Variants in TPTE observed in about 807,000 individuals in gnomAD.
TPTE encodes the protein putative tyrosine-protein phosphatase TPTE.
In TPTE, 59 loss-of-function variants were observed where a neutral mutation model predicts 84.1. The ratio of observed to expected loss-of-function variants is 0.70; its 90% CI spans 0.57 to 0.87. The LOEUF (loss-of-function observed/expected upper bound fraction) is 0.87, where lower values mean the gene tolerates loss of function less well. Ranked by LOEUF, TPTE falls within the 40% of genes least tolerant of loss-of-function variation. TPTE has a pLI of 0.00. For synonymous variants in TPTE, 130 were observed against 223.5 expected (o/e 0.58, Z 3.73); for missense variants, 382 against 659.6 (o/e 0.58, Z 4.61).
At chr21:10,576,838 C>CATACATATAT (rs1555815358) in intron 14 of TPTE, among the ~76,000 whole-genome samples, 4 of 135,968 alleles carry the variant, frequency 2.9e-5, no homozygotes, top group African/African-American at 7.8e-5. Context: ...TACATATATA[C>CATACATATAT]ATATATATAT....
chr21:10,603,495 C>G lies in TPTE; in HGVS notation c.1450-67C>G, dbSNP rs1279095132. 1.4e-4 allele frequency: 210 copies of G among 1,458,356 alleles called. No individual in the cohort carries two copies. In the East Asian group the frequency reaches 4.2e-3, roughly 30 times the overall value. 90.3% of individuals were successfully genotyped at this position (1,458,356 alleles called of 1,614,324 possible). A position where few individuals can be genotyped will look rare whatever the true frequency, so the allele number is the denominator to read the frequency against. ...ATATAAAAAAGAATAAAGAAAGGAA[C>G]TTCAATTTCTTTGGAATGATTAGTT... is the stretch of plus-strand genomic sequence containing the variant. On this transcript the variant is annotated intron_variant, in intron 22 of 23. Coordinates refer to ENST00000618007, the MANE Select transcript of TPTE (RefSeq NM_199261.4).
rs1292334085 is a variant in TPTE at position 10,527,397 on chromosome 21, A to C, written c.-59A>C. ...CAGATTCTACTGTATGCTCTTGACA[A>C]CTATGACCACAATGGGTGAGTTGAC... On this transcript the variant is annotated 5_prime_UTR_variant, in exon 3 of 24. Coordinates refer to ENST00000618007, the MANE Select transcript of TPTE (RefSeq NM_199261.4). 6.5e-6 allele frequency: 1 copy of C among 152,774 alleles called. No individual in the cohort carries two copies. The highest frequency in any genetic ancestry group is 1.5e-5 in the Non-Finnish European group (1 of 68,088). 9.5% of individuals were successfully genotyped at this position (152,774 alleles called of 1,614,324 possible).
intron 3 of TPTE, among the ~76,000 whole-genome samples, chr21:10,537,325 T>C (rs2074283572): frequency 6.6e-6 from 1 of 152,306 alleles, no homozygotes; most frequent in Non-Finnish European, 1.5e-5. Flanking sequence ...TCTGTAGCAC[T>C]GCCAAGTCTA....
At chr21:10,579,990 G>C (rs1462372613) in intron 17 of TPTE, among the ~76,000 whole-genome samples, 1 of 152,310 alleles carries the variant, frequency 6.6e-6, no homozygotes, top group Non-Finnish European at 1.5e-5. Context: ...CGTACAAGGG[G>C]GTTCCCTTTT....
chr21:10,522,656 C>T (rs1439385428), intron 1 of TPTE, among the ~76,000 whole-genome samples: 1 of 152,312 alleles, frequency 6.6e-6, no homozygotes, highest in Non-Finnish European at 1.5e-5. Context: ...AGTGAAGTAT[C>T]TGTTCACGTA....
intron 1 of TPTE, among the ~76,000 whole-genome samples, chr21:10,523,352 AGGTTAGTTAC>A (rs1437429909): frequency 6.6e-6 from 1 of 152,292 alleles, no homozygotes; most frequent in African/African-American, 2.4e-5. Context: ...CACAATGTGC[AGGTTAGTTAC>A]ATATGTAAAC....
intron 3 of TPTE, among the ~76,000 whole-genome samples, chr21:10,527,831 A>G (rs1202634601): frequency 6.6e-6 from 1 of 152,308 alleles, no homozygotes; most frequent in Non-Finnish European, 1.5e-5. Context: ...CCTCAGGTTT[A>G]GTCACTTGAT....
chr21:10,563,166 C>T (rs2074843286), intron 10 of TPTE, among the ~76,000 whole-genome samples: 1 of 152,310 alleles, frequency 6.6e-6, no homozygotes, highest in Admixed American at 6.5e-5. Context: ...GTGAAAGTAT[C>T]CTTCAAAGTG....
chr21:10,545,576 G>T (rs1460501037), intron 7 of TPTE, among the ~76,000 whole-genome samples: 1 of 152,304 alleles, frequency 6.6e-6, no homozygotes, highest in South Asian at 2.1e-4. Flanking sequence ...ACCTTTCAAT[G>T]GTGGTGTCAT....
At chr21:10,532,294 TTTATTAGCA>T in intron 3 of TPTE, among the ~76,000 whole-genome samples, 1 of 152,310 alleles carries the variant, frequency 6.6e-6, no homozygotes, top group Non-Finnish European at 1.5e-5. Flanking sequence ...AGTTTTCACA[TTTATTAGCA>T]TATAATTGAA....
chr21:10,523,722 A>G (rs1226736534), intron 1 of TPTE, among the ~76,000 whole-genome samples: 5 of 152,304 alleles, frequency 3.3e-5, no homozygotes, highest in Admixed American at 6.5e-5. Flanking sequence ...GTTGGTTCCA[A>G]GTCTTTGCTA....
intron 10 of TPTE, among the ~76,000 whole-genome samples, chr21:10,561,799 C>G (rs2074810798): frequency 6.6e-6 from 1 of 152,308 alleles, no homozygotes; most frequent in Admixed American, 6.5e-5. Flanking sequence ...CACCTGTAGG[C>G]TAGGAGAACT....
At chr21:10,521,773 C>G (rs1176101286) in intron 1 of TPTE, 79 bp downstream of exon 1, 1 of 152,630 alleles carries the variant, frequency 6.6e-6, no homozygotes, top group Non-Finnish European at 1.5e-5. Context: ...GTCTTGGAGG[C>G]GCGAAGGCAC....
chr21:10,584,337 C>CTT (rs58211728), intron 17 of TPTE, among the ~76,000 whole-genome samples: 12 of 143,780 alleles, frequency 8.3e-5, no homozygotes, highest in Admixed American at 6.8e-5. Flanking sequence ...CCTAAACTCA[C>CTT]TTTTTTTTTT....
intron 7 of TPTE, among the ~76,000 whole-genome samples, chr21:10,546,190 A>G (rs145008734): frequency 0.012 from 1,838 of 151,558 alleles, no homozygotes; most frequent in South Asian, 0.064. Context: ...CAGTATTCCA[A>G]ACTTTTTATT....
At chr21:10,551,500 C>T (rs373700813) in intron 7 of TPTE, among the ~76,000 whole-genome samples, 2 of 152,208 alleles carry the variant, frequency 1.3e-5, no homozygotes, top group Non-Finnish European at 2.9e-5. Context: ...TCAAATAAAC[C>T]ACTGAACAAT....
At chr21:10,549,189 C>CA (rs1406252061) in intron 7 of TPTE, among the ~76,000 whole-genome samples, 1 of 152,312 alleles carries the variant, frequency 6.6e-6, no homozygotes, top group Non-Finnish European at 1.5e-5. Context: ...CGGTATACCC[C>CA]AATGAACTGA....
intron 3 of TPTE, among the ~76,000 whole-genome samples, chr21:10,538,050 A>G (rs577562054): frequency 5.7e-4 from 87 of 152,376 alleles, no homozygotes; most frequent in African/African-American, 1.9e-3. Context: ...CAGACTGCCT[A>G]TATGTGAGAC....
At chr21:10,531,639 G>A (rs1433752372) in intron 3 of TPTE, among the ~76,000 whole-genome samples, 1 of 152,312 alleles carries the variant, frequency 6.6e-6, no homozygotes, top group African/African-American at 2.4e-5. Context: ...TTGAGACATT[G>A]AAGTTATGTG....
Sources: allele counts gnomAD v4.1 joint callset (sites outside exome capture counted in the v4.1 genomes callset), GRCh38; gene constraint gnomAD v4.1.1; transcripts MANE v1.5; gene names NCBI Gene and HGNC (gene_info 2026-07-23, HGNC 2026-07-21).